The following ARHGAP15 variants were observed in gnomAD, a reference collection of about 807,000 sequenced individuals.
ARHGAP15 encodes Rho GTPase activating protein 15.
A neutral mutation model predicts 63.7 loss-of-function variants in ARHGAP15; 51 were observed. The ratio of observed to expected loss-of-function variants is 0.80; its 90% CI spans 0.64 to 1.01. ARHGAP15 has a LOEUF of 1.01. ARHGAP15 is among the 50% of genes least tolerant of loss of function. The pLI, the probability that ARHGAP15 is intolerant of heterozygous loss-of-function variation, is 0.00. For missense variants in ARHGAP15, 560 were observed against 564.6 expected, an observed-to-expected ratio of 0.99 and a Z score of 0.08; for synonymous variants, 191 against 193.8, an observed-to-expected ratio of 0.99 and a Z score of 0.12.
chr2:143,633,210 C>T (rs759790353), intron 12 of ARHGAP15, among the ~76,000 whole-genome samples: 10 of 152,070 alleles, frequency 6.6e-5, no homozygotes, highest in South Asian at 2.1e-4. Context: ...CACGTGTGCA[C>T]GCAAACTGGA....
chr2:143,536,879 G>T (rs1261365833), intron 10 of ARHGAP15, among the ~76,000 whole-genome samples: 1 of 152,106 alleles, frequency 6.6e-6, no homozygotes, highest in African/African-American at 2.4e-5. Flanking sequence ...AATCCTTTGG[G>T]TATATACCCA....
chr2:143,351,592 T>G (rs939722789), intron 6 of ARHGAP15, among the ~76,000 whole-genome samples: 1 of 152,170 alleles, frequency 6.6e-6, no homozygotes, highest in Non-Finnish European at 1.5e-5. Flanking sequence ...CTACAAGGAA[T>G]GGCTTTTTAA....
intron 12 of ARHGAP15, among the ~76,000 whole-genome samples, chr2:143,634,211 A>G (rs527584626): frequency 2.8e-3 from 426 of 152,066 alleles, no homozygotes; most frequent in Non-Finnish European, 4.8e-3. Flanking sequence ...AAAGTCTTTG[A>G]CTGCTCCATC....
intron 2 of ARHGAP15, among the ~76,000 whole-genome samples, chr2:143,163,519 A>G (rs1239816501): frequency 6.6e-6 from 1 of 152,010 alleles, no homozygotes; most frequent in Non-Finnish European, 1.5e-5. Context: ...AATAACATAT[A>G]TATTTACAAG....
intron 6 of ARHGAP15, among the ~76,000 whole-genome samples, chr2:143,329,526 C>A (rs540869682): frequency 6.6e-6 from 1 of 152,114 alleles, no homozygotes; most frequent in Admixed American, 6.6e-5. Flanking sequence ...GATACAGTAA[C>A]CCCATCTGAC....
At chr2:143,545,896 ATGAGGCACTG>A (rs1695308812) in intron 10 of ARHGAP15, among the ~76,000 whole-genome samples, 2 of 152,218 alleles carry the variant, frequency 1.3e-5, no homozygotes, top group African/African-American at 4.8e-5. Context: ...AAAAAGGACA[ATGAGGCACTG>A]AAAATGTTCG....
chr2:143,356,744 C>A (rs1685826414), intron 6 of ARHGAP15, among the ~76,000 whole-genome samples: 1 of 152,040 alleles, frequency 6.6e-6, no homozygotes, highest in Non-Finnish European at 1.5e-5. Context: ...TAAAAAAATC[C>A]TTCATGGATT....
intron 1 of ARHGAP15, among the ~76,000 whole-genome samples, chr2:143,141,436 A>G (rs1404394530): frequency 1.3e-5 from 2 of 152,140 alleles, no homozygotes; most frequent in African/African-American, 4.8e-5. Flanking sequence ...GACTTTAAGG[A>G]GCCCACAGTC....
At chr2:143,303,515 TAGA>T (rs1386341324) in intron 6 of ARHGAP15, among the ~76,000 whole-genome samples, 6 of 151,906 alleles carry the variant, frequency 3.9e-5, no homozygotes, top group African/African-American at 1.5e-4. Context: ...ATAAAAACTC[TAGA>T]AGAAAAGCTA....
chr2:143,751,445 T>A (rs1320386348), intron 13 of ARHGAP15, among the ~76,000 whole-genome samples: 1 of 152,160 alleles, frequency 6.6e-6, no homozygotes, highest in Non-Finnish European at 1.5e-5. Context: ...TCCAGCACAG[T>A]CCACCCTTTG....
At chr2:143,578,498 G>C (rs951322488) in intron 11 of ARHGAP15, among the ~76,000 whole-genome samples, 1 of 152,122 alleles carries the variant, frequency 6.6e-6, no homozygotes. Context: ...GCCAGGGAGA[G>C]TAATGTTGAA....
chr2:143,597,680 A>G (rs746442008), intron 11 of ARHGAP15, among the ~76,000 whole-genome samples: 1 of 152,068 alleles, frequency 6.6e-6, no homozygotes, highest in Non-Finnish European at 1.5e-5. Flanking sequence ...ATGAGAAAAT[A>G]ACTTTTAAAC....
chr2:143,341,628 C>T (rs1020596224), intron 6 of ARHGAP15, among the ~76,000 whole-genome samples: 6 of 152,052 alleles, frequency 3.9e-5, no homozygotes, highest in African/African-American at 1.2e-4. Flanking sequence ...AATTTCATCT[C>T]GCCAAACCAT....
chr2:143,196,426 C>CT (rs764780799), intron 2 of ARHGAP15, among the ~76,000 whole-genome samples: 1 of 151,898 alleles, frequency 6.6e-6, no homozygotes, highest in African/African-American at 2.4e-5. Context: ...AGGTTGGACT[C>CT]TTTTTTTCTC....
chr2:143,504,257 T>G (rs1447634100), intron 9 of ARHGAP15, among the ~76,000 whole-genome samples: 1 of 152,248 alleles, frequency 6.6e-6, no homozygotes, highest in Non-Finnish European at 1.5e-5. Flanking sequence ...TAATATTTTT[T>G]ATTTGTTTTT....
intron 6 of ARHGAP15, among the ~76,000 whole-genome samples, chr2:143,260,412 A>T (rs1226470138): frequency 6.6e-6 from 1 of 152,120 alleles, no homozygotes; most frequent in Admixed American, 6.6e-5. Flanking sequence ...TATAGATCAC[A>T]AGTCTTTGAA....
chr2:143,430,523 T>A (rs928676946), intron 6 of ARHGAP15, among the ~76,000 whole-genome samples: 1 of 151,990 alleles, frequency 6.6e-6, no homozygotes, highest in African/African-American at 2.4e-5. Flanking sequence ...TGTGGAGTGA[T>A]GCAAGATGAA....
At chr2:143,451,320 A>G (rs768365679) in intron 8 of ARHGAP15, among the ~76,000 whole-genome samples, 2 of 151,978 alleles carry the variant, frequency 1.3e-5, no homozygotes, top group Admixed American at 6.6e-5. Flanking sequence ...AACAGAAGCT[A>G]TACTGATTAT....
intron 12 of ARHGAP15, among the ~76,000 whole-genome samples, chr2:143,676,878 AAAAC>A (rs139056101): frequency 0.027 from 4,177 of 152,282 alleles, 137 homozygotes; most frequent in African/African-American, 0.083. Context: ...TTCAATTTGA[AAAAC>A]AAACAAACAA....
Sources: gnomAD v4.1 joint callset for allele counts (sites outside exome capture counted in the v4.1 genomes callset) on GRCh38, gnomAD v4.1.1 for gene constraint, MANE v1.5 for transcripts, NCBI Gene and HGNC (gene_info 2026-07-23, HGNC 2026-07-21) for gene names.